The following PTDSS2 variants were observed in gnomAD, a reference collection of about 807,000 sequenced individuals.
PTDSS2 encodes PSS-2.
A neutral mutation model predicts 64.7 loss-of-function variants in PTDSS2; 41 were observed. The observed-to-expected ratio is 0.63, with a 90% CI of 0.49 to 0.82. PTDSS2 has a LOEUF of 0.82. PTDSS2 is among the 40% of genes least tolerant of loss of function. The pLI is 0.00. For missense variants in PTDSS2, 485 were observed against 650.0 expected, an observed-to-expected ratio of 0.75 and a Z score of 2.76; for synonymous variants, 297 against 277.8, an observed-to-expected ratio of 1.07 and a Z score of -0.69.
chr11:479,334 T>TAAG lies in PTDSS2; in HGVS notation c.435+182_435+183insAAG. ...GAGCATCTGTGCGGCCCTTGAGTGA[T>TAAG]GGGGGGCAGCAAAGCTAGACCTTCA... On this transcript the variant is annotated intron_variant, in intron 4 of 11. Transcript: ENST00000308020. This position sits in a 1 kb window ranked among gnomAD's most constrained non-coding sequence, Gnocchi z 4.2. 2 of 653,668 alleles carry TAAG rather than the reference T, an allele frequency of 3.1e-6. No homozygotes were observed. The highest frequency in any genetic ancestry group is 5.5e-6 in the Non-Finnish European group (2 of 366,542). The allele number at this position is 653,668 out of a possible 1,614,324, so 40.5% of individuals were successfully genotyped here. A position where few individuals can be genotyped will look rare whatever the true frequency, so the allele number is the denominator to read the frequency against.
intron 3 of PTDSS2, among the ~76,000 whole-genome samples, chr11:477,810 C>T (rs1285995458): frequency 6.6e-6 from 1 of 152,220 alleles, no homozygotes; most frequent in East Asian, 1.9e-4. Context: ...ACCACGAGCC[C>T]CTCAAACTCT....
At chr11:448,619 C>G (rs1476265558), upstream of PTDSS2, among the ~76,000 whole-genome samples, 2 of 152,184 alleles carry the variant, frequency 1.3e-5, no homozygotes, top group Non-Finnish European at 2.9e-5. Flanking sequence ...ACAGCACGCC[C>G]CCTGGAGCCA....
chr11:453,153 C>T (rs1369161536), intron 1 of PTDSS2, among the ~76,000 whole-genome samples: 1 of 152,170 alleles, frequency 6.6e-6, no homozygotes. Flanking sequence ...CGATTCAGGG[C>T]TTGACTGGCC....
chr11:486,379 T>G (rs1466766559), intron 4 of PTDSS2, among the ~76,000 whole-genome samples: 1 of 152,180 alleles, frequency 6.6e-6, no homozygotes, highest in Non-Finnish European at 1.5e-5. Flanking sequence ...CCCCATGTCC[T>G]GAAGCGCACC....
chr11:456,384 C>T (rs1846598719), intron 1 of PTDSS2, among the ~76,000 whole-genome samples: 1 of 151,038 alleles, frequency 6.6e-6, no homozygotes, highest in African/African-American at 2.4e-5. Context: ...ACTATGTTTC[C>T]CGAGCTGGTC....
rs564830543 is a variant in PTDSS2, at chr11:476,123, C to T, written c.367+2146C>T. Reference sequence around the variant, plus strand: ...GCTGGTCTTGCTGGCCCCTTCCTTGCCCAGGGCCTTGAGAGAGGGCTCCTT... The same window carrying T: ...GCTGGTCTTGCTGGCCCCTTCCTTGTCCAGGGCCTTGAGAGAGGGCTCCTT... On this transcript the variant is annotated intron_variant, in intron 3 of 11. Transcript: ENST00000308020. The surrounding 1 kb of genome is among the most constrained non-coding windows in gnomAD (Gnocchi z 4.9). Among the ~76,000 whole-genome samples, 3 of 152,302 alleles carry T rather than the reference C, an allele frequency of 2.0e-5. No individual in the cohort carries two copies. The highest frequency in any genetic ancestry group is 6.5e-5 in the Admixed American group (1 of 15,290).
chr11:450,920 C>A (rs1331943091), intron 1 of PTDSS2, among the ~76,000 whole-genome samples: 1 of 152,006 alleles, frequency 6.6e-6, no homozygotes, highest in East Asian at 1.9e-4. Context: ...CTCCCCACCC[C>A]TGCCCGCCTT....
intron 6 of PTDSS2, among the ~76,000 whole-genome samples, 196 bp downstream of exon 6, chr11:487,666 C>T (rs112145905): frequency 0.044 from 6,688 of 152,254 alleles, 174 homozygotes; most frequent in Middle Eastern, 0.092. Flanking sequence ...GTCGGGTCCC[C>T]GCTCCGTCCT....
chr11:490,339 G>A (rs1848616826), intron 11 of PTDSS2, 81 bp from the exon 12 acceptor site: 1 of 1,585,096 alleles, frequency 6.3e-7, no homozygotes, highest in African/African-American at 1.3e-5. Context: ...GACCTCCACA[G>A]GGACTAGGTG....
chr11:459,577 C>T (rs1846777243), intron 1 of PTDSS2: 1 of 153,018 alleles, frequency 6.5e-6, no homozygotes, highest in African/African-American at 2.4e-5. Context: ...AGTTCTGATA[C>T]TAGGCTGGTT....
intron 1 of PTDSS2, among the ~76,000 whole-genome samples, chr11:455,795 CT>C (rs1846561449): frequency 6.6e-6 from 1 of 152,252 alleles, no homozygotes; most frequent in African/African-American, 2.4e-5. Flanking sequence ...TCCCATCCCT[CT>C]TTTGTTTTTC....
In PTDSS2 at chr11:490,806, G is replaced by C. The variant is rs1325363718; in HGVS notation, c.*224G>C. ...TGTGTATGCGTGTGTGTACGCGTGT[G>C]TACGCGCGTGTGTACACATGCGTGG... On this transcript the variant is annotated 3_prime_UTR_variant, in exon 12 of 12. Coordinates refer to ENST00000308020, the MANE Select transcript of PTDSS2 (RefSeq NM_030783.3). 1 of 585,082 alleles carries C rather than the reference G, an allele frequency of 1.7e-6. No individual in the cohort carries two copies. The highest frequency in any genetic ancestry group is 2.1e-5 in the South Asian group (1 of 47,434). The allele number at this position is 585,082 out of a possible 1,614,324, so 36.2% of individuals were successfully genotyped here.
rs758396137 is a variant in PTDSS2 at position 487,067 on chromosome 11, C to T, written c.564C>T (p.Asn188=). ...ACAATGAGACTGACCCCTTTCACAA[C>T]ATCTGGGTAAGACGCCGGGGGCCCT... The part of the protein sequence containing the change: ...DPDNETDPFH[N]IWDKLDGFVP... The change falls in exon 5 of 12, where the codon AAC becomes AAT. Residue 188 remains asparagine (N), a synonymous_variant. Transcript: ENST00000308020. The T allele has an allele frequency of 6.2e-6, 10 of 1,612,768 alleles. No homozygotes were observed. Among genetic ancestry groups the T allele is most frequent in the African/African-American group, 2.7e-5 (2 of 75,022 alleles).
At chr11:466,108 TCA>T (rs1472903123) in intron 2 of PTDSS2, among the ~76,000 whole-genome samples, 4 of 152,130 alleles carry the variant, frequency 2.6e-5, no homozygotes, top group Non-Finnish European at 5.9e-5. Context: ...GCAGGGTGGC[TCA>T]CACTTGTAAT....
At chr11:448,621 C>G (rs948806382), upstream of PTDSS2, among the ~76,000 whole-genome samples, 1 of 152,210 alleles carries the variant, frequency 6.6e-6, no homozygotes, top group Non-Finnish European at 1.5e-5. Context: ...AGCACGCCCC[C>G]TGGAGCCAGC....
In PTDSS2 at chr11:479,013, C is replaced by A. The variant is rs953404127; in HGVS notation, c.368-72C>A. On this transcript the variant is annotated intron_variant, in intron 3 of 11. Coordinates refer to ENST00000308020, the MANE Select transcript of PTDSS2 (RefSeq NM_030783.3). This position sits in a 1 kb window ranked among gnomAD's most constrained non-coding sequence, Gnocchi z 4.2. Reference sequence around the variant, plus strand: ...ACACTGGGTGTGAAGGAGCCAGGAGCCGGCCTGGGGCTGAGCGGGGCCGTG... The same window carrying A: ...ACACTGGGTGTGAAGGAGCCAGGAGACGGCCTGGGGCTGAGCGGGGCCGTG... The A allele has an allele frequency of 1.9e-5, 25 of 1,293,288 alleles. No homozygotes were observed. Among genetic ancestry groups the A allele is most frequent in the Admixed American group, 3.4e-5 (2 of 58,578 alleles). 80.1% of individuals were successfully genotyped at this position (1,293,288 alleles called of 1,614,324 possible).
chr11:488,769 C>T (rs1848524998), intron 8 of PTDSS2, 122 bp downstream of exon 8: 4 of 735,366 alleles, frequency 5.4e-6, no homozygotes, highest in East Asian at 5.2e-5. Flanking sequence ...GGAGGGGTGA[C>T]CGTGGGGCTT....
intron 5 of PTDSS2, 86 bp downstream of exon 5, chr11:487,159 C>G (rs955976417): frequency 1.0e-5 from 13 of 1,278,150 alleles, no homozygotes; most frequent in African/African-American, 1.5e-5. Flanking sequence ...CTGCCTCGCA[C>G]CCCTCAGCCC....
chr11:480,939 C>A (rs1460384630), intron 4 of PTDSS2, among the ~76,000 whole-genome samples: 3 of 152,056 alleles, frequency 2.0e-5, no homozygotes, highest in Non-Finnish European at 4.4e-5. Context: ...AAAAAATTAG[C>A]CGGGCGTGGT....
Sources: gnomAD v4.1 joint callset for allele counts (sites outside exome capture counted in the v4.1 genomes callset) on GRCh38, gnomAD v4.1.1 for gene constraint, Gnocchi (gnomAD v3.1) non-coding constraint, MANE v1.5 for transcripts, NCBI Gene and HGNC (gene_info 2026-07-23, HGNC 2026-07-21) for gene names.